GJB3: variants seen among roughly 807,000 people sequenced by gnomAD.
GJB3 encodes the protein gap junction protein beta 3, also known as gap junction beta-3 protein.
Under a neutral mutation model 8.1 loss-of-function variants are expected in GJB3, and 6 were observed. The ratio of observed to expected loss-of-function variants is 0.75; its 90% CI spans 0.41 to 1.47. The LOEUF (loss-of-function observed/expected upper bound fraction) is 1.47, where lower values mean the gene tolerates loss of function less well. GJB3 is among the 40% of genes most tolerant of loss of function. The probability of loss-of-function intolerance (pLI) is 0.02; values close to 1 mark genes in which losing one functional copy is unlikely to be tolerated. For synonymous variants in GJB3, 137 were observed against 156.4 expected (o/e 0.88, Z 0.93); for missense variants, 348 against 365.6 (o/e 0.95, Z 0.39).
chr1:34,785,384 T>C lies in GJB3; in HGVS notation c.622T>C (p.Tyr208His), dbSNP rs1263292432. 8 of 1,614,132 alleles carry C rather than the reference T, an allele frequency of 5.0e-6. No individual in the cohort carries two copies. The highest frequency in any genetic ancestry group is 1.1e-5 in the South Asian group (1 of 91,082). ...CIVLTICELC[Y>H]LICHRVLRGL... ...CGTACTCACCATCTGTGAGCTCTGC[T>C]ACCTCATCTGCCACAGGGTCCTGCG... is the stretch of plus-strand genomic sequence containing the variant. Residue 208 changes from tyrosine to histidine, a missense_variant, in exon 2 of 2, where the codon TAC becomes CAC. Physicochemically the swap from Tyr to His is moderately conservative, Grantham distance 83 (BLOSUM62 2). Coordinates refer to ENST00000373366, the MANE Select transcript of GJB3 (RefSeq NM_024009.3). The surrounding 1 kb of genome is among the most constrained non-coding windows in gnomAD (Gnocchi z 4.7).
At position 34,785,569 on chromosome 1, in the gene GJB3, C is replaced by A; in HGVS notation, c.807C>A (p.Pro269=). ...KLQASAPNLT[P]I ...AGGCTTCAGCACCCAACCTGACCCC[C>A]ATCTGACCACAGGGCAGGGGTGGGG... The change falls in exon 2 of 2, where the codon CCC becomes CCA. Residue 269 remains proline (P), a synonymous_variant. Transcript: ENST00000373366. The surrounding 1 kb of genome is among the most constrained non-coding windows in gnomAD (Gnocchi z 4.7). 1.2e-6 allele frequency: 2 copies of A among 1,613,590 alleles called. No individual in the cohort carries two copies. The highest frequency in any genetic ancestry group is 1.7e-6 in the Non-Finnish European group (2 of 1,179,590).
rs377214964 is a variant in GJB3 at position 34,785,571 on chromosome 1, T to A, written c.809T>A (p.Ile270Asn). 8.7e-6 allele frequency: 14 copies of A among 1,613,372 alleles called. No homozygotes were observed. In the African/African-American group the frequency reaches 1.7e-4, roughly 20 times the overall value. The change falls in exon 2 of 2, where the codon ATC (isoleucine) becomes AAC (asparagine). Residue 270 changes from isoleucine to asparagine, a missense_variant. Ile to Asn is a moderately radical substitution (Grantham distance 149). Transcript: ENST00000373366. This position sits in a 1 kb window ranked among gnomAD's most constrained non-coding sequence, Gnocchi z 4.7. ...LQASAPNLTP[I>N] ...GCTTCAGCACCCAACCTGACCCCCA[T>A]CTGACCACAGGGCAGGGGTGGGGCA... is the stretch of plus-strand genomic sequence containing the variant.
rs1376800940 is a variant in GJB3 at position 34,785,224 on chromosome 1, T to C, written c.462T>C (p.His154=). 1 of 1,614,118 alleles carries C rather than the reference T, an allele frequency of 6.2e-7. No homozygotes were observed. Among genetic ancestry groups the C allele is most frequent in the Non-Finnish European group, 8.5e-7 (1 of 1,180,014 alleles). The part of the protein sequence containing the change: ...LFLYLLHTLW[H]GFNMPRLVQC... ...TCTACCTGCTGCACACTCTCTGGCATGGCTTCAATATGCCGCGCCTGGTGC... is the reference window on the plus strand; with the variant it reads ...TCTACCTGCTGCACACTCTCTGGCACGGCTTCAATATGCCGCGCCTGGTGC... The change falls in exon 2 of 2, where the codon CAT becomes CAC. Residue 154 remains histidine (H), a synonymous_variant. Transcript: ENST00000373366. The surrounding 1 kb of genome is among the most constrained non-coding windows in gnomAD (Gnocchi z 4.7).
At position 34,785,603 on chromosome 1, in the gene GJB3, G is replaced by C. The variant is rs780464499; in HGVS notation, c.*28G>C. 1.7e-5 allele frequency: 27 copies of C among 1,586,514 alleles called. No individual in the cohort carries two copies. Among genetic ancestry groups the C allele is most frequent in the Non-Finnish European group, 1.6e-5 (18 of 1,156,150 alleles). The stretch of plus-strand genomic sequence containing the variant: ...ACAGGGCAGGGGTGGGGCAACATGC[G>C]GGCTGCCAATGGGACATGCAGGGCG... On this transcript the variant is annotated 3_prime_UTR_variant, in exon 2 of 2. Coordinates refer to ENST00000373366, the MANE Select transcript of GJB3 (RefSeq NM_024009.3). This position sits in a 1 kb window ranked among gnomAD's most constrained non-coding sequence, Gnocchi z 4.7.
chr1:34,782,404 G>A (rs1640026032), intron 1 of GJB3: 1 of 152,174 alleles, frequency 6.6e-6, no homozygotes, highest in South Asian at 2.1e-4. Flanking sequence ...GACAGACAGG[G>A]CTCCAACCTT....
chr1:34,784,246 T>C (rs1640061572), intron 1 of GJB3, among the ~76,000 whole-genome samples: 1 of 152,072 alleles, frequency 6.6e-6, no homozygotes, highest in South Asian at 2.1e-4. Flanking sequence ...TGGCCTTGAA[T>C]CCACCTCTTG....
In GJB3 at chr1:34,785,814, T is replaced by C. The variant is rs1262457072; in HGVS notation, c.*239T>C. On this transcript the variant is annotated 3_prime_UTR_variant, in exon 2 of 2. Transcript: ENST00000373366. The surrounding 1 kb of genome is among the most constrained non-coding windows in gnomAD (Gnocchi z 4.7). ...TAGACTTTGAAACAAGCGAATTAACTATCTACGCTGCCTGCAAGGGGCCAC... is the reference window on the plus strand; with the variant it reads ...TAGACTTTGAAACAAGCGAATTAACCATCTACGCTGCCTGCAAGGGGCCAC... 2 of 582,750 alleles carry C rather than the reference T, an allele frequency of 3.4e-6. No homozygotes were observed. The highest frequency in any genetic ancestry group is 6.2e-5 in the Admixed American group (2 of 32,284). The allele number at this position is 582,750 out of a possible 1,614,324, so 36.1% of individuals were successfully genotyped here.
In GJB3 at chr1:34,785,251, G is replaced by A. The variant is rs1640088303; in HGVS notation, c.489G>A (p.Gln163=). 6.2e-7 allele frequency: 1 copy of A among 1,613,956 alleles called. No homozygotes were observed. The change falls in exon 2 of 2, where the codon CAG becomes CAA. Residue 163 remains glutamine, a synonymous_variant. Coordinates refer to ENST00000373366, the MANE Select transcript of GJB3 (RefSeq NM_024009.3). The surrounding 1 kb of genome is among the most constrained non-coding windows in gnomAD (Gnocchi z 4.7). The part of the protein sequence containing the change: ...WHGFNMPRLV[Q]CANVAPCPNI... ...GCTTCAATATGCCGCGCCTGGTGCAGTGTGCCAACGTGGCCCCCTGCCCCA... is the reference window on the plus strand; with the variant it reads ...GCTTCAATATGCCGCGCCTGGTGCAATGTGCCAACGTGGCCCCCTGCCCCA...
At chr1:34,784,157 GA>G (rs1640060092) in intron 1 of GJB3, among the ~76,000 whole-genome samples, 1 of 152,180 alleles carries the variant, frequency 6.6e-6, no homozygotes. Flanking sequence ...AACGTTTCAA[GA>G]ATCTGGTCTA....
At position 34,785,399 on chromosome 1, in the gene GJB3, AG is replaced by A; in HGVS notation, c.640del (p.Val214SerfsTer54). 2 of 1,614,096 alleles carry A rather than the reference AG, an allele frequency of 1.2e-6. No homozygotes were observed. Among genetic ancestry groups the A allele is most frequent in the Non-Finnish European group, 8.5e-7 (1 of 1,180,012 alleles). On this transcript the variant is annotated frameshift_variant, in exon 2 of 2. Transcript: ENST00000373366. LOFTEE classifies it low-confidence loss of function (END_TRUNC). This position sits in a 1 kb window ranked among gnomAD's most constrained non-coding sequence, Gnocchi z 4.7. ...ICELCYLICHRVLRGLHKDKP... is the reference protein window; with the variant it reads ...ICELCYLICHXVLRGLHKDKP... ...TGAGCTCTGCTACCTCATCTGCCAC[AG>A]GGTCCTGCGAGGCCTGCACAAGGAC...
At chr1:34,783,065 A>C (rs1640038749) in intron 1 of GJB3, among the ~76,000 whole-genome samples, 2 of 152,198 alleles carry the variant, frequency 1.3e-5, no homozygotes, top group South Asian at 4.1e-4. Flanking sequence ...ATAGTGACTA[A>C]GTGCTATAAA....
At chr1:34,783,710 C>CA (rs113641092) in intron 1 of GJB3, among the ~76,000 whole-genome samples, 7 of 152,310 alleles carry the variant, frequency 4.6e-5, no homozygotes, top group African/African-American at 1.7e-4. Context: ...CCCACACACA[C>CA]ACGTGGACAG....
In GJB3 at chr1:34,785,107, G is replaced by A; in HGVS notation, c.345G>A (p.Lys115=). 2 of 1,614,128 alleles carry A rather than the reference G, an allele frequency of 1.2e-6. No homozygotes were observed. Among genetic ancestry groups the A allele is most frequent in the Non-Finnish European group, 1.7e-6 (2 of 1,180,034 alleles). ...HRQKHGDQCA[K]LYDNAGKKHG... ...AGAAACACGGGGACCAGTGCGCCAA[G>A]CTGTACGACAACGCAGGCAAGAAGC... The change falls in exon 2 of 2, where the codon AAG becomes AAA. Residue 115 remains lysine (K), a synonymous_variant. Transcript: ENST00000373366. This position sits in a 1 kb window ranked among gnomAD's most constrained non-coding sequence, Gnocchi z 4.7.
intron 1 of GJB3, among the ~76,000 whole-genome samples, chr1:34,783,252 A>T (rs1186631305): frequency 6.6e-6 from 1 of 152,122 alleles, no homozygotes; most frequent in Non-Finnish European, 1.5e-5. Context: ...TGGCTCAAAA[A>T]AAAAAAAGAA....
intron 1 of GJB3, chr1:34,782,341 G>A (rs1640024211): frequency 2.0e-5 from 3 of 152,306 alleles, no homozygotes; most frequent in Admixed American, 2.0e-4. Flanking sequence ...GGGCAGCCAT[G>A]GGAGTGTGTC....
intron 1 of GJB3, 27 bp from the exon 2 acceptor site, chr1:34,784,711 C>T (rs1188545847): frequency 9.8e-6 from 14 of 1,431,698 alleles, no homozygotes; most frequent in Non-Finnish European, 1.3e-5. Flanking sequence ...TTCATTCATA[C>T]GATGGTTTTT....
rs2148354214 is a variant in GJB3, at chr1:34,785,038, C to A, written c.276C>A (p.Ile92=). The change falls in exon 2 of 2, where the codon ATC becomes ATA. Residue 92 remains isoleucine, a synonymous_variant. Transcript: ENST00000373366. The surrounding 1 kb of genome is among the most constrained non-coding windows in gnomAD (Gnocchi z 4.7). The part of the protein sequence containing the change: ...IFVTCPSLLV[I]LHVAYREERE... ...TCACATGCCCCTCGCTGCTGGTCAT[C>A]CTGCACGTGGCCTACCGTGAGGAGC... 1 of 1,614,198 alleles carries A rather than the reference C, an allele frequency of 6.2e-7. No homozygotes were observed. The highest frequency in any genetic ancestry group is 2.2e-5 in the East Asian group (1 of 44,886).
rs978300170 is a variant in GJB3, at chr1:34,785,268, C to T, written c.506C>T (p.Pro169Leu). 6.8e-6 allele frequency: 11 copies of T among 1,613,804 alleles called. No homozygotes were observed. The highest frequency in any genetic ancestry group is 1.7e-5 in the Admixed American group (1 of 60,010). ...CTGGTGCAGTGTGCCAACGTGGCCCCCTGCCCCAACATCGTGGACTGCTAC... is the reference window on the plus strand; with the variant it reads ...CTGGTGCAGTGTGCCAACGTGGCCCTCTGCCCCAACATCGTGGACTGCTAC... Reference protein sequence around the residue: ...PRLVQCANVAPCPNIVDCYIA... With the variant: ...PRLVQCANVALCPNIVDCYIA... The change falls in exon 2 of 2, where the codon CCC (proline) becomes CTC (leucine). Residue 169 changes from proline (P) to leucine (L), a missense_variant. Transcript: ENST00000373366. This position sits in a 1 kb window ranked among gnomAD's most constrained non-coding sequence, Gnocchi z 4.7.
chr1:34,782,255 G>C (rs946389981), intron 1 of GJB3: 1 of 152,206 alleles, frequency 6.6e-6, no homozygotes, highest in South Asian at 2.1e-4. Flanking sequence ...CTCCTCCCTG[G>C]GGTGTGTCAG....
Sources: gnomAD v4.1 joint callset for allele counts (sites outside exome capture counted in the v4.1 genomes callset) on GRCh38, gnomAD v4.1.1 for gene constraint, Gnocchi (gnomAD v3.1) non-coding constraint, MANE v1.5 for transcripts, NCBI Gene and HGNC (gene_info 2026-07-23, HGNC 2026-07-21) for gene names.